EEA1: variants seen among roughly 807,000 people sequenced by gnomAD.
EEA1 encodes the protein early endosome antigen 1, 162kD.
In EEA1, 111 loss-of-function variants were observed where a neutral mutation model predicts 209.2. That is an observed-to-expected ratio of 0.53 (90% CI 0.45 to 0.62). EEA1 has a LOEUF of 0.62. EEA1 is among the 20% of genes least tolerant of loss of function. EEA1 has a pLI of 0.00. For missense variants in EEA1, 1,343 were observed against 1,530.8 expected (o/e 0.88, Z 2.05); for synonymous variants, 536 against 540.6 (o/e 0.99, Z 0.12).
intron 27 of EEA1, 94 bp downstream of exon 27, chr12:92,777,449 T>C (rs926338633): frequency 2.2e-6 from 3 of 1,350,318 alleles, no homozygotes; most frequent in African/African-American, 2.9e-5. Context: ...AAAGTATTTA[T>C]AAAACATGAG....
intron 10 of EEA1, among the ~76,000 whole-genome samples, chr12:92,836,519 C>G (rs1346308937): frequency 1.3e-5 from 2 of 152,132 alleles, no homozygotes; most frequent in Admixed American, 1.3e-4. Context: ...TCAGAGATCT[C>G]ATCTCACTTG....
chr12:92,855,852 C>G (rs952671827), intron 5 of EEA1, among the ~76,000 whole-genome samples: 1 of 152,134 alleles, frequency 6.6e-6, no homozygotes, highest in Non-Finnish European at 1.5e-5. Flanking sequence ...TAAACAATTT[C>G]CACTCTGCTT....
rs1272215714 is a variant in EEA1 at position 92,787,897 on chromosome 12, A to C, written c.3120T>G (p.Ser1040=). 1 of 1,610,784 alleles carries C rather than the reference A, an allele frequency of 6.2e-7. No individual in the cohort carries two copies. The highest frequency in any genetic ancestry group is 1.1e-5 in the South Asian group (1 of 90,540). Residue 1040 remains serine (S), a synonymous_variant, in exon 22 of 29, where the codon TCT becomes TCG. Coordinates refer to ENST00000322349, the MANE Select transcript of EEA1 (RefSeq NM_003566.4). ...QLQSDFYGRE[S]ELLATRQDLK... ...GATCTTGCCTGGTGGCTAGAAGTTC[A>C]GATTCCCTCCCATAGAAATCAGATT...
chr12:92,785,298 G>T (rs1480650053), intron 22 of EEA1, among the ~76,000 whole-genome samples: 1 of 152,112 alleles, frequency 6.6e-6, no homozygotes, highest in Non-Finnish European at 1.5e-5. Context: ...TAAAGGCATA[G>T]ATCAGGCCAG....
chr12:92,879,783 G>T (rs1879060071), intron 2 of EEA1, among the ~76,000 whole-genome samples: 1 of 152,146 alleles, frequency 6.6e-6, no homozygotes, highest in Non-Finnish European at 1.5e-5. Flanking sequence ...GGTGAAAGTG[G>T]GAGGGCCTCA....
chr12:92,776,216 C>CA, intron 28 of EEA1, 83 bp from the exon 29 acceptor site: 2 of 1,327,382 alleles, frequency 1.5e-6, no homozygotes, highest in Non-Finnish European at 1.0e-6. Flanking sequence ...CCACCAACTA[C>CA]ATTATGAAGG....
intron 9 of EEA1, among the ~76,000 whole-genome samples, chr12:92,849,849 G>A (rs73217895): frequency 0.095 from 14,373 of 152,036 alleles, 792 homozygotes; most frequent in South Asian, 0.2. Flanking sequence ...AAAATGTTAC[G>A]GTAACAACTT....
At chr12:92,842,071 A>C (rs1358819545) in intron 10 of EEA1, among the ~76,000 whole-genome samples, 6 of 152,204 alleles carry the variant, frequency 3.9e-5, no homozygotes, top group Non-Finnish European at 5.9e-5. Context: ...CCTTGAGGAC[A>C]CTATAAGTCA....
intron 6 of EEA1, among the ~76,000 whole-genome samples, chr12:92,853,330 C>T (rs1406353179): frequency 6.6e-6 from 1 of 151,906 alleles, no homozygotes; most frequent in Non-Finnish European, 1.5e-5. Flanking sequence ...ATCAAATGAC[C>T]AAAAAGGAAT....
At chr12:92,924,856 A>C (rs1479557825) in intron 1 of EEA1, among the ~76,000 whole-genome samples, 1 of 151,034 alleles carries the variant, frequency 6.6e-6, no homozygotes, top group Non-Finnish European at 1.5e-5. Flanking sequence ...AAAAAAAAAA[A>C]AAAAAAAAAA....
chr12:92,903,405 C>T (rs2136768169), intron 1 of EEA1, among the ~76,000 whole-genome samples: 1 of 151,660 alleles, frequency 6.6e-6, no homozygotes. Flanking sequence ...TGAGACCAGC[C>T]TGACCAACAA....
chr12:92,834,452 G>C (rs1334411600), intron 10 of EEA1, among the ~76,000 whole-genome samples: 1 of 150,052 alleles, frequency 6.7e-6, no homozygotes, highest in African/African-American at 2.4e-5. Flanking sequence ...GGCTAAAGCA[G>C]GAGGCATGCT....
chr12:92,807,548 A>G (rs1875274460), intron 18 of EEA1, among the ~76,000 whole-genome samples: 1 of 152,186 alleles, frequency 6.6e-6, no homozygotes, highest in African/African-American at 2.4e-5. Flanking sequence ...CAAGAACTCT[A>G]CAAACAACAA....
At chr12:92,807,073 C>T (rs186775736) in intron 18 of EEA1, among the ~76,000 whole-genome samples, 1 of 152,162 alleles carries the variant, frequency 6.6e-6, no homozygotes, top group African/African-American at 2.4e-5. Context: ...CATGCCTCAG[C>T]CTCCCGAGTA....
chr12:92,812,952 T>A, intron 16 of EEA1, 28 bp downstream of exon 16: 1 of 1,445,374 alleles, frequency 6.9e-7, no homozygotes, highest in Admixed American at 1.8e-5. Context: ...CACTAGGTGA[T>A]AGTATGAAAT....
chr12:92,888,048 T>A (rs1168516879), intron 2 of EEA1, among the ~76,000 whole-genome samples: 5 of 151,916 alleles, frequency 3.3e-5, no homozygotes, highest in African/African-American at 1.2e-4. Flanking sequence ...GAGAAAAGGA[T>A]CCCTTCAATA....
rs930378828 is a variant in EEA1 at position 92,773,059 on chromosome 12, C to G, written c.*2952G>C. On this transcript the variant is annotated 3_prime_UTR_variant, in exon 29 of 29. Transcript: ENST00000322349. The stretch of plus-strand genomic sequence containing the variant: ...CACGTTATAATTACAGAATACCATT[C>G]ATCAAGCTCATGTCTAGGAATACTA... 22 of 152,110 alleles carry G rather than the reference C, an allele frequency of 1.4e-4. No individual in the cohort carries two copies. Among genetic ancestry groups the G allele is most frequent in the African/African-American group, 4.8e-4 (20 of 41,402 alleles). 9.4% of individuals were successfully genotyped at this position (152,110 alleles called of 1,614,324 possible).
At chr12:92,808,356 T>C (rs1875314124) in intron 18 of EEA1, among the ~76,000 whole-genome samples, 1 of 152,176 alleles carries the variant, frequency 6.6e-6, no homozygotes, top group South Asian at 2.1e-4. Flanking sequence ...GTAAAATCTG[T>C]GCATTTAACT....
At chr12:92,915,521 A>T (rs1880732730) in intron 1 of EEA1, among the ~76,000 whole-genome samples, 1 of 152,132 alleles carries the variant, frequency 6.6e-6, no homozygotes, top group South Asian at 2.1e-4. Context: ...GGTACTCAGA[A>T]ATCATTTGGT....
Sources: allele counts gnomAD v4.1 joint callset (sites outside exome capture counted in the v4.1 genomes callset), GRCh38; gene constraint gnomAD v4.1.1; transcripts MANE v1.5; gene names NCBI Gene and HGNC (gene_info 2026-07-23, HGNC 2026-07-21).